The following TXK variants were observed in gnomAD, a reference collection of about 807,000 sequenced individuals.
TXK encodes TXK tyrosine kinase.
Under a neutral mutation model 81.0 loss-of-function variants are expected in TXK, and 60 were observed. The observed-to-expected ratio is 0.74, with a 90% CI of 0.60 to 0.92. TXK has a LOEUF of 0.92. TXK is among the 40% of genes least tolerant of loss of function. TXK has a pLI of 0.00. For missense variants in TXK, 581 were observed against 638.3 expected (o/e 0.91, Z 0.97); for synonymous variants, 203 against 210.7 (o/e 0.96, Z 0.32).
At chr4:48,091,608 C>T (rs551210548) in intron 8 of TXK, among the ~76,000 whole-genome samples, 110 of 152,010 alleles carry the variant, frequency 7.2e-4, no homozygotes, top group Admixed American at 2.3e-3. Flanking sequence ...CAGGTTCAAG[C>T]GATTCTCCTG....
intron 4 of TXK, 48 bp downstream of exon 4, chr4:48,112,255 CTTCT>C: frequency 6.4e-7 from 1 of 1,551,590 alleles, no homozygotes. Flanking sequence ...ACTAAGTAGT[CTTCT>C]TTGTGTTGGA....
At chr4:48,067,928 C>A (rs1716673599) in intron 14 of TXK, among the ~76,000 whole-genome samples, 1 of 152,160 alleles carries the variant, frequency 6.6e-6, no homozygotes, top group Non-Finnish European at 1.5e-5. Flanking sequence ...TGGCAGAGAC[C>A]TGAATCCAGG....
intron 10 of TXK, among the ~76,000 whole-genome samples, chr4:48,081,937 G>A (rs1158517671): frequency 1.3e-5 from 2 of 152,072 alleles, no homozygotes; most frequent in East Asian, 3.8e-4. Flanking sequence ...CCGACTACCT[G>A]CCACATTCAA....
intron 2 of TXK, 22 bp downstream of exon 2, chr4:48,114,326 T>C: frequency 1.2e-6 from 2 of 1,612,930 alleles, no homozygotes; most frequent in Non-Finnish European, 8.5e-7. Flanking sequence ...TTTCAAGAAA[T>C]TGCCCTCGGA....
At chr4:48,117,229 A>G (rs2109477962) in intron 1 of TXK, among the ~76,000 whole-genome samples, 1 of 152,168 alleles carries the variant, frequency 6.6e-6, no homozygotes, top group African/African-American at 2.4e-5. Flanking sequence ...TCCATTATCC[A>G]TTCCATTTCC....
In TXK at chr4:48,128,322, A is replaced by G. The variant is rs993819120; in HGVS notation, c.16+5833T>C. 4.6e-5 allele frequency among the ~76,000 whole-genome samples: 7 copies of G among 152,162 alleles called. No homozygotes were observed. The South Asian group carries it at 1.4e-3, about 32-fold the overall frequency. On this transcript the variant is annotated intron_variant, in intron 1 of 14. Transcript: ENST00000264316. ...AAAGACCAGGCTTGTTGCCCAAGCC[A>G]GGCGCTCCAGGTTGTGGTTTTAAGA...
At chr4:48,093,185 A>T (rs1237705858) in intron 8 of TXK, among the ~76,000 whole-genome samples, 1 of 152,234 alleles carries the variant, frequency 6.6e-6, no homozygotes, top group Non-Finnish European at 1.5e-5. Context: ...ATTCCAGTGA[A>T]TAGCCATGTG....
chr4:48,070,959 C>T (rs563178537), intron 14 of TXK, among the ~76,000 whole-genome samples: 74 of 136,472 alleles, frequency 5.4e-4, no homozygotes, highest in Non-Finnish European at 8.6e-4. Flanking sequence ...AGTGCAGTGG[C>T]GCCATCTCGG....
At chr4:48,116,935 T>C (rs1454594878) in intron 1 of TXK, among the ~76,000 whole-genome samples, 1 of 152,040 alleles carries the variant, frequency 6.6e-6, no homozygotes, top group African/African-American at 2.4e-5. Flanking sequence ...CAGGCTGGAG[T>C]GCAGTGGTGC....
chr4:48,097,458 C>T (rs1718025929), intron 6 of TXK, among the ~76,000 whole-genome samples: 1 of 140,522 alleles, frequency 7.1e-6, no homozygotes, highest in African/African-American at 2.7e-5. Flanking sequence ...CCCACTCTGT[C>T]GCCAGGCTGG....
In TXK at chr4:48,113,278, C is replaced by G; in HGVS notation, c.103G>C (p.Asp35His). Reference protein sequence around the residue: ...QMRTQISLSTDEELPEKYTQR... With the variant: ...QMRTQISLSTHEELPEKYTQR... Reference sequence around the variant, plus strand: ...GTGTATTTTTCTGGAAGCTCTTCATCTGTGCTCAGGCTTATCTGTGTTCTC... The same window carrying G: ...GTGTATTTTTCTGGAAGCTCTTCATGTGTGCTCAGGCTTATCTGTGTTCTC... The change falls in exon 3 of 15, where the codon GAT (aspartate) becomes CAT (histidine). Residue 35 changes from aspartate to histidine, a missense_variant. Asp to His is a moderately conservative substitution (Grantham distance 81, BLOSUM62 -1). Transcript: ENST00000264316. 6.2e-7 allele frequency: 1 copy of G among 1,613,384 alleles called. No individual in the cohort carries two copies. Among genetic ancestry groups the G allele is most frequent in the Middle Eastern group, 1.7e-4 (1 of 6,056 alleles).
chr4:48,095,494 T>C (rs978996200), intron 6 of TXK, among the ~76,000 whole-genome samples: 1 of 152,222 alleles, frequency 6.6e-6, no homozygotes, highest in Non-Finnish European at 1.5e-5. Flanking sequence ...AAAAATTCTC[T>C]ATTTGAAAAC....
At chr4:48,121,506 C>T (rs934874391) in intron 1 of TXK, among the ~76,000 whole-genome samples, 3 of 152,074 alleles carry the variant, frequency 2.0e-5, no homozygotes, top group South Asian at 2.1e-4. Flanking sequence ...CCAGATCCTC[C>T]GACAGATATC....
intron 14 of TXK, among the ~76,000 whole-genome samples, chr4:48,069,106 C>T (rs1017984930): frequency 8.4e-6 from 1 of 118,554 alleles, no homozygotes; most frequent in African/African-American, 3.2e-5. Flanking sequence ...CTGCTTGAGG[C>T]CTGGGCAACA....
intron 12 of TXK, among the ~76,000 whole-genome samples, chr4:48,075,542 C>G (rs370406365): frequency 6.6e-6 from 1 of 151,872 alleles, no homozygotes; most frequent in African/African-American, 2.4e-5. Context: ...TCCAGCTACT[C>G]GGGGGGCTGA....
chr4:48,069,326 CTTTTTT>C lies in TXK; in HGVS notation c.1516-1627_1516-1622del, dbSNP rs376924565. On this transcript the variant is annotated intron_variant, in intron 14 of 14. Coordinates refer to ENST00000264316, the MANE Select transcript of TXK (RefSeq NM_003328.3). ...CAAAAATAAATCAATCTTTTCTTTT[CTTTTTT>C]TTTTTTTTTTTTTGAGACAGTCTGG... Among the ~76,000 whole-genome samples the C allele has an allele frequency of 2.8e-3, 266 of 95,856 alleles. 1 individual carries two copies. Among genetic ancestry groups the C allele is most frequent in the African/African-American group, 9.8e-3 (237 of 24,062 alleles). The allele number at this position is 95,856 out of a possible 152,430, so 62.9% of individuals were successfully genotyped here. A position where few individuals can be genotyped will look rare whatever the true frequency, so the allele number is the denominator to read the frequency against.
At chr4:48,117,003 A>G (rs2109477711) in intron 1 of TXK, among the ~76,000 whole-genome samples, 1 of 152,244 alleles carries the variant, frequency 6.6e-6, no homozygotes, top group South Asian at 2.1e-4. Context: ...CTCCTGCCTC[A>G]GCCTCCTGAG....
At chr4:48,093,084 A>G (rs529518374) in intron 8 of TXK, among the ~76,000 whole-genome samples, 1 of 152,286 alleles carries the variant, frequency 6.6e-6, no homozygotes, top group African/African-American at 2.4e-5. Flanking sequence ...TAAAGGAGAA[A>G]ACTCAGAACT....
chr4:48,090,757 G>C (rs1227244005), intron 8 of TXK, among the ~76,000 whole-genome samples: 1 of 152,126 alleles, frequency 6.6e-6, no homozygotes, highest in Non-Finnish European at 1.5e-5. Context: ...GCACACACAA[G>C]AAAAAGTAGA....
Sources: allele counts gnomAD v4.1 joint callset (sites outside exome capture counted in the v4.1 genomes callset), GRCh38; gene constraint gnomAD v4.1.1; transcripts MANE v1.5; gene names NCBI Gene and HGNC (gene_info 2026-07-23, HGNC 2026-07-21).